KCNMA1: variants seen among roughly 807,000 people sequenced by gnomAD.
KCNMA1 encodes the protein potassium calcium-activated channel subfamily M alpha 1.
Under a neutral mutation model 140.0 loss-of-function variants are expected in KCNMA1, and 29 were observed. The observed-to-expected ratio is 0.21, with a 90% confidence interval of 0.15 to 0.28. The LOEUF (loss-of-function observed/expected upper bound fraction) is 0.28, where lower values mean the gene tolerates loss of function less well. Ranked by LOEUF, KCNMA1 falls within the 10% of genes least tolerant of loss-of-function variation. The pLI is 1.00. For missense variants in KCNMA1, 880 were observed against 1,602.2 expected, an observed-to-expected ratio of 0.55 and a Z score of 7.70; for synonymous variants, 612 against 611.9, an observed-to-expected ratio of 1.00 and a Z score of 0.00.
intron 1 of KCNMA1, among the ~76,000 whole-genome samples, chr10:77,545,714 G>A (rs2061324641): frequency 6.6e-6 from 1 of 152,222 alleles, no homozygotes; most frequent in Admixed American, 6.5e-5. Flanking sequence ...TGCTCCCTTG[G>A]TTTCACACAG....
chr10:77,055,094 G>A (rs1015420649), intron 14 of KCNMA1, among the ~76,000 whole-genome samples: 6 of 152,132 alleles, frequency 3.9e-5, no homozygotes, highest in African/African-American at 7.2e-5. Context: ...AGCATATGGC[G>A]GCTAAAGAGA....
intron 1 of KCNMA1, among the ~76,000 whole-genome samples, chr10:77,582,241 G>A (rs2076095024): frequency 6.6e-6 from 1 of 152,208 alleles, no homozygotes; most frequent in Non-Finnish European, 1.5e-5. Flanking sequence ...TCTGATGCTC[G>A]CTAGCTGATT....
chr10:77,197,933 C>CA (rs1285454586), intron 3 of KCNMA1, among the ~76,000 whole-genome samples: 1 of 152,108 alleles, frequency 6.6e-6, no homozygotes, highest in African/African-American at 2.4e-5. Context: ...GCTGGCATTA[C>CA]ACGCGAGAAG....
At chr10:77,245,735 C>A (rs112214694) in intron 3 of KCNMA1, among the ~76,000 whole-genome samples, 10 of 152,292 alleles carry the variant, frequency 6.6e-5, no homozygotes, top group South Asian at 2.1e-4. Context: ...TATGCCAAAT[C>A]ACAAGGACAG....
chr10:77,266,818 C>T (rs2063583733), intron 2 of KCNMA1, among the ~76,000 whole-genome samples: 1 of 152,204 alleles, frequency 6.6e-6, no homozygotes, highest in Non-Finnish European at 1.5e-5. Context: ...TCAATCATGG[C>T]TGTGGCCCCA....
Position 77,630,569 on chromosome 10 carries a change from C to T in KCNMA1, c.378+6696G>A, listed in dbSNP as rs544055005. 1.0e-3 allele frequency among the ~76,000 whole-genome samples: 159 copies of T among 152,272 alleles called. 1 individual carries two copies. Among genetic ancestry groups the T allele is most frequent in the African/African-American group, 3.6e-3 (151 of 41,560 alleles). ...CACCCAACGATCTGGCAGAGCAAAC[C>T]TTCTGCTTCTCATCCCTTCCCCCTT... On this transcript the variant is annotated intron_variant, in intron 1 of 27. Coordinates refer to ENST00000286628, the MANE Select transcript of KCNMA1 (RefSeq NM_001161352.2).
At chr10:76,874,686 A>T (rs1178393237), downstream of KCNMA1, 4 of 152,176 alleles carry the variant, frequency 2.6e-5, no homozygotes, top group African/African-American at 9.7e-5. Flanking sequence ...ATTTTTTTAC[A>T]AAGTACATCA....
At chr10:76,959,508 T>C (rs898161724) in intron 20 of KCNMA1, among the ~76,000 whole-genome samples, 21 of 152,184 alleles carry the variant, frequency 1.4e-4, no homozygotes, top group African/African-American at 4.3e-4. Flanking sequence ...GAGGATTACA[T>C]GAGTAAAGAT....
intron 2 of KCNMA1, chr10:77,304,613 A>G (rs887536268): frequency 1.1e-4 from 16 of 152,352 alleles, no homozygotes; most frequent in African/African-American, 3.4e-4. Flanking sequence ...ATGGCAAAAA[A>G]TATTTGCTTT....
At chr10:77,303,823 C>T (rs1352498335) in intron 2 of KCNMA1, among the ~76,000 whole-genome samples, 1 of 152,250 alleles carries the variant, frequency 6.6e-6, no homozygotes, top group African/African-American at 2.4e-5. Flanking sequence ...CGCCACCACA[C>T]TACACTGTTT....
intron 1 of KCNMA1, among the ~76,000 whole-genome samples, chr10:77,609,474 A>G (rs2085927874): frequency 6.6e-6 from 1 of 152,242 alleles, no homozygotes; most frequent in Non-Finnish European, 1.5e-5. Flanking sequence ...AAGAGTACAA[A>G]CTTTCAGTTA....
At chr10:77,243,993 T>C (rs2057970310) in intron 3 of KCNMA1, among the ~76,000 whole-genome samples, 1 of 152,206 alleles carries the variant, frequency 6.6e-6, no homozygotes, top group African/African-American at 2.4e-5. Context: ...CTTTGTTCTT[T>C]CCCATGGCCC....
intron 6 of KCNMA1, among the ~76,000 whole-genome samples, chr10:77,116,401 G>A (rs1300429383): frequency 6.6e-6 from 1 of 151,994 alleles, no homozygotes; most frequent in Non-Finnish European, 1.5e-5. Context: ...GGCCTCCTTT[G>A]TCCTCTATAT....
intron 1 of KCNMA1, among the ~76,000 whole-genome samples, chr10:77,454,381 GA>G (rs575356216): frequency 1.1e-4 from 16 of 151,734 alleles, no homozygotes; most frequent in Non-Finnish European, 2.1e-4. Flanking sequence ...ACAAGAGAGA[GA>G]AAAAAAACAG....
At chr10:77,132,522 ATTTTTTTTTT>A (rs34605286) in intron 5 of KCNMA1, among the ~76,000 whole-genome samples, 3 of 138,422 alleles carry the variant, frequency 2.2e-5, no homozygotes. Flanking sequence ...AGCAGGTTAA[ATTTTTTTTTT>A]TTTTTTTTTT....
At chr10:77,446,534 G>C (rs2097532665) in intron 1 of KCNMA1, among the ~76,000 whole-genome samples, 1 of 152,198 alleles carries the variant, frequency 6.6e-6, no homozygotes, top group Admixed American at 6.5e-5. Context: ...CGCCCTAGAA[G>C]TCACCTCAAT....
intron 14 of KCNMA1, among the ~76,000 whole-genome samples, chr10:77,044,095 A>C (rs1160463221): frequency 6.6e-6 from 1 of 152,246 alleles, no homozygotes; most frequent in Non-Finnish European, 1.5e-5. Flanking sequence ...TTTAATCCTT[A>C]AGTCATGCCA....
rs1183764678 is a variant in KCNMA1 at position 77,039,552 on chromosome 10, C to T, written c.1835G>A (p.Gly612Asp). The change falls in exon 15 of 28, where the codon GGT (glycine) becomes GAT (aspartate). Residue 612 changes from glycine to aspartate, a missense_variant. Gly to Asp is a moderately conservative substitution (Grantham distance 94). This residue lies in a region of KCNMA1 where 198 missense variants were observed against 580.1 expected (regional missense o/e 0.34). Coordinates refer to ENST00000286628, the MANE Select transcript of KCNMA1 (RefSeq NM_001161352.2). Reference protein sequence around the residue: ...YTEYLSSAFVGLSFPTVCELC... With the variant: ...YTEYLSSAFVDLSFPTVCELC... ...CTCACAAACAGTAGGGAAGGACAGA[C>T]CCACGAAGGCACTGGAGAGATATTC... The T allele has an allele frequency of 8.1e-6, 13 of 1,608,812 alleles. No individual in the cohort carries two copies. The highest frequency in any genetic ancestry group is 1.0e-5 in the Non-Finnish European group (12 of 1,175,154).
In KCNMA1 at chr10:77,188,984, C is replaced by T. The variant is rs779942775; in HGVS notation, c.603-4068G>A. 2.8e-4 allele frequency among the ~76,000 whole-genome samples: 42 copies of T among 152,256 alleles called. 2 individuals are homozygous for T. Among genetic ancestry groups the T allele is most frequent in the South Asian group, 1.2e-3 (6 of 4,822 alleles). ...TCCTGCAGTCTGTTTTCCCACCTCCCTGAGTCTGGCTGCCGAACCCTGTGA... is the reference window on the plus strand; with the variant it reads ...TCCTGCAGTCTGTTTTCCCACCTCCTTGAGTCTGGCTGCCGAACCCTGTGA... On this transcript the variant is annotated intron_variant, in intron 3 of 27. Transcript: ENST00000286628.
Sources: gnomAD v4.1 joint callset for allele counts (sites outside exome capture counted in the v4.1 genomes callset) on GRCh38, gnomAD v4.1.1 for gene constraint, gnomAD v4.1.1 regional missense constraint, MANE v1.5 for transcripts, NCBI Gene and HGNC (gene_info 2026-07-23, HGNC 2026-07-21) for gene names.